The following NEK10 variants were observed in gnomAD, a reference collection of about 807,000 sequenced individuals.
NEK10 encodes serine/threonine-protein kinase Nek10.
Under a neutral mutation model 159.8 loss-of-function variants are expected in NEK10, and 122 were observed. The observed-to-expected ratio is 0.76, with a 90% CI of 0.66 to 0.89. The LOEUF is 0.89. Among genes scored for constraint, NEK10 ranks in the 40% least tolerant of loss-of-function variants. NEK10 has a pLI of 0.00. For synonymous variants in NEK10, 466 were observed against 457.1 expected (o/e 1.02, Z -0.25); for missense variants, 1,342 against 1,323.1 (o/e 1.01, Z -0.22).
intron 22 of NEK10, among the ~76,000 whole-genome samples, chr3:27,263,405 GC>G (rs942849206): frequency 1.1e-4 from 17 of 152,224 alleles, no homozygotes; most frequent in African/African-American, 4.1e-4. Context: ...GCAATGCTCT[GC>G]CCCCAGAGGT....
intron 22 of NEK10, among the ~76,000 whole-genome samples, chr3:27,259,635 T>A (rs1281736662): frequency 1.3e-5 from 2 of 152,204 alleles, no homozygotes; most frequent in African/African-American, 2.4e-5. Flanking sequence ...TGTAGTATAG[T>A]TTGAAGTCAG....
intron 23 of NEK10, 70 bp downstream of exon 23, chr3:27,256,226 T>C (rs1042897599): frequency 1.6e-5 from 11 of 682,354 alleles, no homozygotes; most frequent in Non-Finnish European, 2.5e-5. Context: ...CCTTTGCAAG[T>C]CAATAATATA....
chr3:27,144,226 G>T (rs181375797), intron 30 of NEK10, among the ~76,000 whole-genome samples: 127 of 152,196 alleles, frequency 8.3e-4, no homozygotes, highest in African/African-American at 2.7e-3. Context: ...CATGGAGATG[G>T]TTTATTATCA....
At chr3:27,236,672 G>A (rs1953949411) in intron 23 of NEK10, among the ~76,000 whole-genome samples, 1 of 152,168 alleles carries the variant, frequency 6.6e-6, no homozygotes, top group South Asian at 2.1e-4. Context: ...ACTTTAAAAG[G>A]GGAGAGGGTG....
chr3:27,304,091 C>A (rs2044045015), intron 12 of NEK10, among the ~76,000 whole-genome samples: 1 of 152,114 alleles, frequency 6.6e-6, no homozygotes, highest in Non-Finnish European at 1.5e-5. Flanking sequence ...CAATTGGGAA[C>A]AAAACTATCC....
chr3:27,215,773 T>A, intron 23 of NEK10: 1 of 715,952 alleles, frequency 1.4e-6, no homozygotes. Flanking sequence ...CATTTGCTTC[T>A]TGGGAGGCAT....
intron 22 of NEK10, among the ~76,000 whole-genome samples, chr3:27,276,349 G>T (rs1023302702): frequency 6.6e-6 from 1 of 151,968 alleles, no homozygotes; most frequent in African/African-American, 2.4e-5. Context: ...GGATGTCAAA[G>T]ATGCCCCCTG....
intron 5 of NEK10, among the ~76,000 whole-genome samples, chr3:27,335,441 G>C (rs1327185487): frequency 6.6e-6 from 1 of 151,368 alleles, no homozygotes; most frequent in East Asian, 1.9e-4. Context: ...TCAGCAGTAA[G>C]CAGAGGTTCT....
At chr3:27,273,642 T>A (rs988022266) in intron 22 of NEK10, among the ~76,000 whole-genome samples, 2 of 152,124 alleles carry the variant, frequency 1.3e-5, no homozygotes, top group Admixed American at 6.5e-5. Context: ...AAAATGAAAA[T>A]AATTAATGAC....
chr3:27,142,319 T>C (rs1220553601), intron 30 of NEK10, among the ~76,000 whole-genome samples: 1 of 152,196 alleles, frequency 6.6e-6, no homozygotes, highest in Non-Finnish European at 1.5e-5. Context: ...CTCTTTTCTC[T>C]AGATTACCTA....
At chr3:27,216,296 G>A (rs976983614) in intron 23 of NEK10, 2 of 162,334 alleles carry the variant, frequency 1.2e-5, no homozygotes, top group Non-Finnish European at 2.7e-5. Flanking sequence ...AGTAAATATA[G>A]TTGGATAAAT....
chr3:27,234,077 C>T (rs1953629841), intron 23 of NEK10, among the ~76,000 whole-genome samples: 1 of 152,110 alleles, frequency 6.6e-6, no homozygotes, highest in Non-Finnish European at 1.5e-5. Flanking sequence ...AACATCCCTT[C>T]ATGCTAAAAT....
Position 27,217,141 on chromosome 3 carries a change from A to G in NEK10, c.2091-14584T>C, listed in dbSNP as rs187767441. Among the ~76,000 whole-genome samples, 12 of 152,292 alleles carry G rather than the reference A, an allele frequency of 7.9e-5. No homozygotes were observed. In the East Asian group the frequency reaches 2.3e-3, roughly 29 times the overall value. On this transcript the variant is annotated intron_variant, in intron 23 of 35. Coordinates refer to ENST00000691995, the MANE Select transcript of NEK10 (RefSeq NM_001394966.1). ...ATTTTTTTATCTTGCCCAAATTCCT[A>G]TCTAAGGCATCTGGTGAGTCATGGC... is the stretch of plus-strand genomic sequence containing the variant.
intron 14 of NEK10, among the ~76,000 whole-genome samples, chr3:27,296,763 T>C (rs901232028): frequency 1.3e-5 from 2 of 152,162 alleles, no homozygotes; most frequent in African/African-American, 4.8e-5. Context: ...GCAAAATCAG[T>C]TTCTTGGCAA....
chr3:27,130,956 G>A (rs969728837), intron 32 of NEK10, among the ~76,000 whole-genome samples: 2 of 152,048 alleles, frequency 1.3e-5, no homozygotes, highest in Non-Finnish European at 2.9e-5. Context: ...TCCCCCATCT[G>A]TTTTTGGTGT....
At position 27,167,828 on chromosome 3, in the gene NEK10, C is replaced by G. The variant is rs547238937; in HGVS notation, c.2831+3991G>C. ...GATGGCTTGGATTCCGAGGTGCCTT[C>G]CAGTTCTAATATTATTCTCCAGCCT... On this transcript the variant is annotated intron_variant, in intron 29 of 35. Coordinates refer to ENST00000691995, the MANE Select transcript of NEK10 (RefSeq NM_001394966.1). Among the ~76,000 whole-genome samples the G allele has an allele frequency of 8.6e-4, 131 of 152,164 alleles. 1 individual carries two copies. The highest frequency in any genetic ancestry group is 1.6e-3 in the Non-Finnish European group (110 of 68,038).
intron 26 of NEK10, among the ~76,000 whole-genome samples, chr3:27,175,687 G>C (rs1947435197): frequency 6.6e-6 from 1 of 152,218 alleles, no homozygotes; most frequent in Non-Finnish European, 1.5e-5. Flanking sequence ...TTCGCAGCAA[G>C]CGTGAAGAGC....
chr3:27,125,755 C>T (rs1941868967), intron 32 of NEK10, among the ~76,000 whole-genome samples: 1 of 152,184 alleles, frequency 6.6e-6, no homozygotes, highest in Admixed American at 6.5e-5. Flanking sequence ...ACACCTCACA[C>T]TCATCCCCGT....
At chr3:27,353,394 T>C (rs1994764) in intron 1 of NEK10, among the ~76,000 whole-genome samples, 150,497 of 152,254 alleles carry the variant, frequency 0.99, 74,379 homozygotes, top group East Asian at 1. Context: ...GTATGCATTA[T>C]TGTCTTATAA....
Sources: gnomAD v4.1 joint callset for allele counts (sites outside exome capture counted in the v4.1 genomes callset) on GRCh38, gnomAD v4.1.1 for gene constraint, MANE v1.5 for transcripts, NCBI Gene and HGNC (gene_info 2026-07-23, HGNC 2026-07-21) for gene names.